CYB561: variants seen among roughly 807,000 people sequenced by gnomAD.
CYB561 encodes transmembrane ascorbate-dependent reductase CYB561.
In CYB561, 11 loss-of-function variants were observed where a neutral mutation model predicts 25.3. The observed-to-expected ratio is 0.44, with a 90% CI of 0.27 to 0.72. The LOEUF is 0.72. CYB561 is among the 30% of genes least tolerant of loss of function. The pLI is 0.18. For missense variants in CYB561, 295 were observed against 334.9 expected (o/e 0.88, Z 0.93); for synonymous variants, 165 against 158.8 (o/e 1.04, Z -0.29).
In CYB561 at chr17:63,435,160, AAAG is replaced by A. The variant is rs1568022055; in HGVS notation, c.486_488del (p.Phe163del). On this transcript the variant is annotated inframe_deletion, in exon 5 of 6. Transcript: ENST00000360793. Reference sequence around the variant, plus strand: ...CGGAAAGGAGGAAGATGGTAGCACCAAAGAAGATGTGCTGTGGGCGGTAGCGGC... The same window carrying A: ...CGGAAAGGAGGAAGATGGTAGCACCAAAGATGTGCTGTGGGCGGTAGCGGC... The A allele has an allele frequency of 1.4e-5, 23 of 1,614,098 alleles. No individual in the cohort carries two copies. Among genetic ancestry groups the A allele is most frequent in the Non-Finnish European group, 1.5e-5 (18 of 1,180,034 alleles).
At position 63,432,800 on chromosome 17, in the gene CYB561, A is replaced by T. The variant is rs556253232; in HGVS notation, c.*1602T>A. The T allele has an allele frequency of 6.6e-6, 1 of 152,442 alleles. No homozygotes were observed. Among genetic ancestry groups the T allele is most frequent in the East Asian group, 1.9e-4 (1 of 5,186 alleles). 9.4% of individuals were successfully genotyped at this position (152,442 alleles called of 1,614,324 possible). A position where few individuals can be genotyped will look rare whatever the true frequency, so the allele number is the denominator to read the frequency against. On this transcript the variant is annotated 3_prime_UTR_variant, in exon 6 of 6. Transcript: ENST00000360793. The stretch of plus-strand genomic sequence containing the variant: ...TGACACTGCCTGAGGCAGGAGACAC[A>T]GCAAAAGCCAACTATGGGAAATCTG...
At chr17:63,443,268 G>A (rs1599123412) in intron 1 of CYB561, among the ~76,000 whole-genome samples, 1 of 152,126 alleles carries the variant, frequency 6.6e-6, no homozygotes, top group African/African-American at 2.4e-5. Context: ...GTACCAGCAT[G>A]GCACTAAGCC....
rs921565224 is a variant in CYB561, at chr17:63,442,104, C to T, written c.-14+4141G>A. Among the ~76,000 whole-genome samples the T allele has an allele frequency of 2.6e-5, 4 of 152,180 alleles. No individual in the cohort carries two copies. In the South Asian group the frequency reaches 6.2e-4, roughly 24 times the overall value. Reference sequence around the variant, plus strand: ...CAGCAGCCTGCTTCTGATTCAAAGGCGAGGCTTCAAAATCTAAGTGTAAGG... The same window carrying T: ...CAGCAGCCTGCTTCTGATTCAAAGGTGAGGCTTCAAAATCTAAGTGTAAGG... On this transcript the variant is annotated intron_variant, in intron 1 of 5. Coordinates refer to ENST00000360793, the MANE Select transcript of CYB561 (RefSeq NM_001915.4).
chr17:63,435,544 C>T (rs933109739), intron 4 of CYB561, 144 bp downstream of exon 4: 10 of 779,378 alleles, frequency 1.3e-5, no homozygotes, highest in South Asian at 4.9e-5. Flanking sequence ...GCTTTGCACC[C>T]GCACAGGCCT....
chr17:63,443,712 C>T (rs1482552308), intron 1 of CYB561, among the ~76,000 whole-genome samples: 1 of 152,228 alleles, frequency 6.6e-6, no homozygotes, highest in Non-Finnish European at 1.5e-5. Flanking sequence ...ACAGCAGCCT[C>T]GAACTCCTGG....
chr17:63,437,980 C>CCCCCCCCCCGG (rs1568024087), intron 1 of CYB561: 4 of 749,650 alleles, frequency 5.3e-6, no homozygotes, highest in Non-Finnish European at 4.0e-6. Flanking sequence ...GCCCCGCCAC[C>CCCCCCCCCCGG]CTCCCCCGAG....
intron 1 of CYB561, among the ~76,000 whole-genome samples, chr17:63,445,080 A>C (rs1337956226): frequency 6.6e-6 from 1 of 152,196 alleles, no homozygotes; most frequent in Non-Finnish European, 1.5e-5. Flanking sequence ...GGAGGCTGGA[A>C]CAGGAGAATC....
chr17:63,438,060 G>A lies in CYB561; in HGVS notation c.-13-500C>T, dbSNP rs548153789. ...TCCCACCCATCGTCCTGAGGCAGAG[G>A]TCTCAAGTCTCGGGAGTGGCTGGGG... On this transcript the variant is annotated intron_variant, in intron 1 of 5. Coordinates refer to ENST00000360793, the MANE Select transcript of CYB561 (RefSeq NM_001915.4). The A allele has an allele frequency of 6.3e-3, 9,665 of 1,531,928 alleles. 60 individuals carry two copies. Among genetic ancestry groups the A allele is most frequent in the Non-Finnish European group, 7.1e-3 (8,156 of 1,145,376 alleles). 94.9% of individuals were successfully genotyped at this position (1,531,928 alleles called of 1,614,324 possible).
At position 63,433,853 on chromosome 17, in the gene CYB561, G is replaced by A. The variant is rs1049378334; in HGVS notation, c.*549C>T. 1.7e-5 allele frequency: 3 copies of A among 172,054 alleles called. No homozygotes were observed. Among genetic ancestry groups the A allele is most frequent in the African/African-American group, 7.1e-5 (3 of 42,288 alleles). 10.7% of individuals were successfully genotyped at this position (172,054 alleles called of 1,614,324 possible). Reference sequence around the variant, plus strand: ...CAGCCTCATCTCAGAGCTTCCCAGGGGCCAGTCCCTCCCCTCTCCTGGGGA... The same window carrying A: ...CAGCCTCATCTCAGAGCTTCCCAGGAGCCAGTCCCTCCCCTCTCCTGGGGA... On this transcript the variant is annotated 3_prime_UTR_variant, in exon 6 of 6. Coordinates refer to ENST00000360793, the MANE Select transcript of CYB561 (RefSeq NM_001915.4).
intron 1 of CYB561, among the ~76,000 whole-genome samples, chr17:63,443,132 G>A (rs992933879): frequency 6.6e-6 from 1 of 152,182 alleles, no homozygotes; most frequent in Non-Finnish European, 1.5e-5. Flanking sequence ...TGTGATGAAG[G>A]AGAAAGCAAA....
In CYB561 at chr17:63,436,176, G is replaced by A. The variant is rs747251060; in HGVS notation, c.203-24C>T. ...GGCTGTGGGAGGTGAGAGAGGGAAC[G>A]TGAGTGCATCCGCCTGTGCGTGAGG... is the stretch of plus-strand genomic sequence containing the variant. On this transcript the variant is annotated intron_variant, in intron 2 of 5. Coordinates refer to ENST00000360793, the MANE Select transcript of CYB561 (RefSeq NM_001915.4). This position sits in a 1 kb window ranked among gnomAD's most constrained non-coding sequence, Gnocchi z 4.8. The A allele has an allele frequency of 5.6e-6, 9 of 1,611,858 alleles. No homozygotes were observed. Among genetic ancestry groups the A allele is most frequent in the South Asian group, 1.1e-5 (1 of 90,986 alleles).
In CYB561 at chr17:63,433,578, G is replaced by A. The variant is rs748293542; in HGVS notation, c.*824C>T. 7.2e-5 allele frequency: 28 copies of A among 387,934 alleles called. No homozygotes were observed. Among genetic ancestry groups the A allele is most frequent in the Non-Finnish European group, 1.1e-4 (25 of 220,070 alleles). The allele number at this position is 387,934 out of a possible 1,614,324, so 24.0% of individuals were successfully genotyped here. ...GCCTCCCAGCCTGAGCAGAGCCTGG[G>A]TGAGCCTGGGAGAGGAAACCAGAGC... On this transcript the variant is annotated 3_prime_UTR_variant, in exon 6 of 6. Transcript: ENST00000360793.
intron 2 of CYB561, 185 bp downstream of exon 2, chr17:63,437,151 GCTGCCACTCA>G (rs2049311742): frequency 1.7e-6 from 1 of 588,214 alleles, no homozygotes; most frequent in East Asian, 2.8e-5. Context: ...CTGGAGAGGA[GCTGCCACTCA>G]CCAACCTCAG....
chr17:63,435,545 G>C, intron 4 of CYB561, 143 bp downstream of exon 4: 2 of 786,186 alleles, frequency 2.5e-6, no homozygotes. Flanking sequence ...CTTTGCACCC[G>C]CACAGGCCTG....
In CYB561 at chr17:63,432,436, T is replaced by A. The variant is rs562321203; in HGVS notation, c.*1966A>T. On this transcript the variant is annotated 3_prime_UTR_variant, in exon 6 of 6. Coordinates refer to ENST00000360793, the MANE Select transcript of CYB561 (RefSeq NM_001915.4). ...GGGGCCTTCTTCAGCTCCTTAGTCATCCAGTGTTCACTTTGGCAAACAGAC... is the reference window on the plus strand; with the variant it reads ...GGGGCCTTCTTCAGCTCCTTAGTCAACCAGTGTTCACTTTGGCAAACAGAC... 51 of 152,318 alleles carry A rather than the reference T, an allele frequency of 3.3e-4. 1 individual carries two copies. The highest frequency in any genetic ancestry group is 5.7e-4 in the Non-Finnish European group (39 of 68,010). The allele number at this position is 152,318 out of a possible 1,614,324, so 9.4% of individuals were successfully genotyped here. A position where few individuals can be genotyped will look rare whatever the true frequency, so the allele number is the denominator to read the frequency against.
chr17:63,434,369 C>A lies in CYB561; in HGVS notation c.*33G>T. ...GCCTCAGCAGGGGCAGGCAAGAAGA[C>A]ACCCCGCGAACCCCCAGGGCCGGCC... On this transcript the variant is annotated 3_prime_UTR_variant, in exon 6 of 6. Coordinates refer to ENST00000360793, the MANE Select transcript of CYB561 (RefSeq NM_001915.4). The A allele has an allele frequency of 6.6e-7, 1 of 1,508,262 alleles. No homozygotes were observed. The allele number at this position is 1,508,262 out of a possible 1,614,324, so 93.4% of individuals were successfully genotyped here.
At chr17:63,438,579 G>A (rs1338433864) in intron 1 of CYB561, among the ~76,000 whole-genome samples, 5 of 152,086 alleles carry the variant, frequency 3.3e-5, no homozygotes, top group African/African-American at 4.8e-5. Flanking sequence ...CCACACCAGG[G>A]GCGGGGCGGA....
chr17:63,438,376 T>A, intron 1 of CYB561: 1 of 621,982 alleles, frequency 1.6e-6, no homozygotes, highest in Non-Finnish European at 2.7e-6. Flanking sequence ...CCCTCCCCCA[T>A]CCTGGTTTTT....
At chr17:63,446,471 A>G (rs2049425431), upstream of CYB561, 1 of 151,420 alleles carries the variant, frequency 6.6e-6, no homozygotes, top group Non-Finnish European at 1.5e-5. Flanking sequence ...CCGGGCCCGC[A>G]CGTGGGCGAA....
Sources: allele counts gnomAD v4.1 joint callset (sites outside exome capture counted in the v4.1 genomes callset), GRCh38; gene constraint gnomAD v4.1.1; non-coding constraint Gnocchi (gnomAD v3.1); transcripts MANE v1.5; gene names NCBI Gene and HGNC (gene_info 2026-07-23, HGNC 2026-07-21).